OPRM1: variants seen among roughly 807,000 people sequenced by gnomAD.
The protein encoded by OPRM1 is opioid receptor mu 1.
A neutral mutation model predicts 31.8 loss-of-function variants in OPRM1; 27 were observed. The ratio of observed to expected loss-of-function variants is 0.85; its 90% CI spans 0.63 to 1.17. The LOEUF is 1.17. Among genes scored for constraint, OPRM1 ranks in the 50% most tolerant of loss-of-function variants. OPRM1 has a pLI of 0.00. For missense variants in OPRM1, 536 were observed against 511.1 expected, an observed-to-expected ratio of 1.05 and a Z score of -0.47; for synonymous variants, 196 against 189.9, an observed-to-expected ratio of 1.03 and a Z score of -0.26.
chr6:154,019,725 T>C (rs1229184683), intron 1 of OPRM1, among the ~76,000 whole-genome samples: 2 of 150,436 alleles, frequency 1.3e-5, no homozygotes, highest in Admixed American at 1.3e-4. Flanking sequence ...CATAGCTTAG[T>C]GGCTTTCTTT....
At chr6:154,196,446 A>T (rs932411441) in intron 3 of OPRM1, among the ~76,000 whole-genome samples, 3 of 152,110 alleles carry the variant, frequency 2.0e-5, no homozygotes, top group Non-Finnish European at 4.4e-5. Flanking sequence ...TGTTATCTAC[A>T]TGACTCCCAG....
rs1491491022 is a variant in OPRM1 at position 154,198,663 on chromosome 6, C to CACA, written c.1165-48029_1165-48028insCAA. The stretch of plus-strand genomic sequence containing the variant: ...ACACACACACACACACACACACACA[C>CACA]AACTTGTTCTGCAGTTGTGATCCTT... On this transcript the variant is annotated intron_variant, in intron 3 of 3. Transcript: ENST00000337049. Among the ~76,000 whole-genome samples the CACA allele has an allele frequency of 1.5e-4, 22 of 150,348 alleles. 1 individual carries two copies. The highest frequency in any genetic ancestry group is 2.6e-4 in the Admixed American group (4 of 15,148).
intron 1 of OPRM1, among the ~76,000 whole-genome samples, chr6:154,054,337 C>G (rs1782791416): frequency 6.8e-6 from 1 of 147,488 alleles, no homozygotes; most frequent in Non-Finnish European, 1.5e-5. Context: ...CCACTGCACT[C>G]CAGTCTGGTG....
chr6:154,036,484 T>C (rs1779304181), upstream of OPRM1, among the ~76,000 whole-genome samples: 1 of 151,984 alleles, frequency 6.6e-6, no homozygotes, highest in Admixed American at 6.5e-5. Flanking sequence ...TAGAGAGTAA[T>C]TGCATTTTTC....
rs1562459744 is a variant in OPRM1 at position 154,091,428 on chromosome 6, G to A, written c.1120G>A (p.Asp374Asn). The change falls in exon 3 of 4, where the codon GAC (aspartate) becomes AAC (asparagine). Residue 374 changes from aspartate to asparagine, a missense_variant. By Grantham distance (23) the Asp-to-Asn change is conservative (BLOSUM62 1). Transcript: ENST00000330432. ...NSTRIRQNTR[D>N]HPSTANTVDR... ...CACTCGAATTCGTCAGAACACTAGA[G>A]ACCACCCCTCCACGGCCAATACAGT... 2 of 1,613,734 alleles carry A rather than the reference G, an allele frequency of 1.2e-6. No homozygotes were observed. Among genetic ancestry groups the A allele is most frequent in the Non-Finnish European group, 1.7e-6 (2 of 1,180,026 alleles).
intron 3 of OPRM1, chr6:154,222,980 A>T (rs1041565452): frequency 1.2e-5 from 7 of 604,336 alleles, no homozygotes; most frequent in Non-Finnish European, 2.1e-5. Context: ...CTGCTCCACA[A>T]AACGAAATTC....
At chr6:154,208,456 A>C (rs552169505) in intron 3 of OPRM1, among the ~76,000 whole-genome samples, 1 of 152,198 alleles carries the variant, frequency 6.6e-6, no homozygotes, top group South Asian at 2.1e-4. Context: ...ATCCTGACTC[A>C]CTGGACTCCA....
At chr6:154,115,377 CA>C (rs1444753030) in intron 3 of OPRM1, among the ~76,000 whole-genome samples, 2 of 151,880 alleles carry the variant, frequency 1.3e-5, no homozygotes, top group African/African-American at 4.8e-5. Context: ...CCGTCTCTAC[CA>C]AAAATACAAA....
intron 3 of OPRM1, among the ~76,000 whole-genome samples, chr6:154,204,304 A>T (rs1015246314): frequency 2.6e-5 from 4 of 152,224 alleles, no homozygotes; most frequent in Non-Finnish European, 4.4e-5. Context: ...CAAACCCTGT[A>T]ATTAGGCAGA....
At chr6:154,143,677 G>T (rs551803928) in intron 3 of OPRM1, among the ~76,000 whole-genome samples, 5 of 152,278 alleles carry the variant, frequency 3.3e-5, no homozygotes, top group Non-Finnish European at 5.9e-5. Flanking sequence ...AGAGGTGATT[G>T]GGCTATGAGG....
intron 1 of OPRM1, among the ~76,000 whole-genome samples, chr6:154,051,799 T>A (rs180698966): frequency 6.6e-6 from 1 of 152,204 alleles, no homozygotes; most frequent in Admixed American, 6.5e-5. Context: ...ACCAGAAATA[T>A]CATTTGACCC....
intron 3 of OPRM1, among the ~76,000 whole-genome samples, chr6:154,145,128 A>C (rs994828949): frequency 1.3e-5 from 2 of 152,236 alleles, no homozygotes; most frequent in African/African-American, 2.4e-5. Flanking sequence ...AAATGCCAGA[A>C]GTTCTAGTTA....
In OPRM1 at chr6:154,109,352, G is replaced by A. The variant is rs528065639; in HGVS notation, c.1165-9331G>A. ...TACAACCAAACAAAAAAAATAAAAT[G>A]TAAGCCACTTTCTTGAGACATGATT... On this transcript the variant is annotated intron_variant, in intron 3 of 3. Coordinates refer to ENST00000330432, the MANE Select transcript of OPRM1 (RefSeq NM_000914.5). Among the ~76,000 whole-genome samples the A allele has an allele frequency of 2.0e-5, 3 of 152,272 alleles. No homozygotes were observed. In the East Asian group the frequency reaches 5.8e-4, roughly 29 times the overall value.
chr6:154,117,616 C>G (rs1381236255), intron 3 of OPRM1, among the ~76,000 whole-genome samples: 1 of 152,150 alleles, frequency 6.6e-6, no homozygotes, highest in African/African-American at 2.4e-5. Flanking sequence ...GCAGCCACAT[C>G]ATGGTCAGTG....
intron 3 of OPRM1, among the ~76,000 whole-genome samples, chr6:154,149,008 A>C (rs916247988): frequency 1.3e-5 from 2 of 152,090 alleles, no homozygotes; most frequent in African/African-American, 4.8e-5. Context: ...CCCCTTCCCC[A>C]TTGTACACTT....
intron 1 of OPRM1, among the ~76,000 whole-genome samples, chr6:154,054,144 C>T (rs1348099587): frequency 2.6e-5 from 4 of 151,774 alleles, no homozygotes; most frequent in African/African-American, 9.7e-5. Flanking sequence ...CCGAGGCCGG[C>T]GGATCACGAG....
chr6:154,239,892 G>A (rs1220902356), intron 3 of OPRM1, among the ~76,000 whole-genome samples: 1 of 152,032 alleles, frequency 6.6e-6, no homozygotes, highest in Admixed American at 6.6e-5. Context: ...TAGTAGAGGG[G>A]GGTTTCACCA....
chr6:154,192,494 A>C (rs9371333), intron 3 of OPRM1, among the ~76,000 whole-genome samples: 87,178 of 151,872 alleles, frequency 0.57, 25,466 homozygotes, highest in East Asian at 0.89. Flanking sequence ...ATGAAAAGAA[A>C]TGGAAAACCA....
At chr6:154,079,501 C>G (rs1788615370) in intron 1 of OPRM1, among the ~76,000 whole-genome samples, 1 of 152,124 alleles carries the variant, frequency 6.6e-6, no homozygotes, top group Non-Finnish European at 1.5e-5. Context: ...AGTGAGCAGG[C>G]AGGGGCTCGA....
Sources: allele counts gnomAD v4.1 joint callset (sites outside exome capture counted in the v4.1 genomes callset), GRCh38; gene constraint gnomAD v4.1.1; transcripts MANE v1.5; gene names NCBI Gene and HGNC (gene_info 2026-07-23, HGNC 2026-07-21).